BICRAL: variants seen among roughly 807,000 people sequenced by gnomAD.
BICRAL encodes the protein BICRA like chromatin remodeling complex associated protein, also known as BRD4-interacting chromatin-remodeling complex-associated protein-like.
BICRAL carries 8 observed loss-of-function variants against 91.8 expected under a neutral mutation model. The observed-to-expected ratio is 0.09, with a 90% CI of 0.05 to 0.16. BICRAL has a LOEUF of 0.16. BICRAL is among the 10% of genes least tolerant of loss of function. The pLI is 1.00. For synonymous variants in BICRAL, 445 were observed against 491.1 expected, an observed-to-expected ratio of 0.91 and a Z score of 1.24; for missense variants, 1,038 against 1,310.9, an observed-to-expected ratio of 0.79 and a Z score of 3.21.
At chr6:42,845,216 T>G (rs1764966438) in intron 6 of BICRAL, among the ~76,000 whole-genome samples, 12 of 61,570 alleles carry the variant, frequency 1.9e-4, no homozygotes, top group Non-Finnish European at 2.8e-4. Flanking sequence ...TTTTTTTTTT[T>G]TTTTTTTTTT....
intron 1 of BICRAL, among the ~76,000 whole-genome samples, chr6:42,805,708 G>A (rs1199477045): frequency 6.6e-6 from 1 of 151,984 alleles, no homozygotes; most frequent in Non-Finnish European, 1.5e-5. Context: ...GTGCTAAAGA[G>A]GACAAGGAAC....
intron 1 of BICRAL, among the ~76,000 whole-genome samples, chr6:42,807,320 AC>A (rs1318317986): frequency 6.6e-6 from 1 of 151,566 alleles, no homozygotes; most frequent in Non-Finnish European, 1.5e-5. Context: ...AGTAGCTGCG[AC>A]TACAGGCGCC....
At chr6:42,763,059 C>A (rs1762578415) in intron 1 of BICRAL, among the ~76,000 whole-genome samples, 1 of 152,138 alleles carries the variant, frequency 6.6e-6, no homozygotes, top group African/African-American at 2.4e-5. Context: ...CCTTATTGTC[C>A]AGTAGAACAG....
Position 42,822,042 on chromosome 6 carries a change from C to T in BICRAL, c.20C>T (p.Ser7Leu), listed in dbSNP as rs758142663. 7 of 1,608,006 alleles carry T rather than the reference C, an allele frequency of 4.4e-6. No homozygotes were observed. Among genetic ancestry groups the T allele is most frequent in the Admixed American group, 1.7e-5 (1 of 59,878 alleles). ...GTTGTCATGGATGATGATGATGACT[C>T]GTGTCTCCTTGATCTTATTGGGTAA... MDDDDD[S>L]CLLDLIGDPQ... is the part of the protein sequence containing the mutation. Residue 7 changes from serine (S) to leucine (L), a missense_variant, in exon 3 of 13, where the codon TCG becomes TTG. Around this residue, in one of 5 missense-constraint regions of BICRAL, gnomAD observed 115 missense variants for 121.5 expected, o/e 0.95. Coordinates refer to ENST00000314073, the MANE Select transcript of BICRAL (RefSeq NM_001393499.1).
At position 42,820,922 on chromosome 6, in the gene BICRAL, C is replaced by T. The variant is rs1460353661; in HGVS notation, c.-5-1096C>T. 3.9e-5 allele frequency: 6 copies of T among 152,334 alleles called. No individual in the cohort carries two copies. The East Asian group carries it at 1.2e-3, about 29-fold the overall frequency. 9.4% of individuals were successfully genotyped at this position (152,334 alleles called of 1,614,324 possible). ...AGTTACCTTCCATGTAGCAGGAGTA[C>T]ATTTTATACTAGTTTGGCCTTGTGA... On this transcript the variant is annotated intron_variant, in intron 2 of 12. Coordinates refer to ENST00000314073, the MANE Select transcript of BICRAL (RefSeq NM_001393499.1).
intron 6 of BICRAL, among the ~76,000 whole-genome samples, chr6:42,843,862 G>A (rs1378787253): frequency 4.8e-5 from 7 of 145,512 alleles, no homozygotes; most frequent in African/African-American, 1.3e-4. Flanking sequence ...GCAATAGCAC[G>A]ATCTCGGCTC....
Position 42,793,122 on chromosome 6 carries a change from A to ATTTTTTTTTTTTTTTTTTTT in BICRAL, c.-102+11041_-102+11060dup, listed in dbSNP as rs1159342197. On this transcript the variant is annotated intron_variant, in intron 1 of 12. Coordinates refer to ENST00000314073, the MANE Select transcript of BICRAL (RefSeq NM_001393499.1). The stretch of plus-strand genomic sequence containing the variant: ...AAGCGCATGCCACCATGCCCAGCTA[A>ATTTTTTTTTTTTTTTTTTTT]TTTTTTTTTTTTTTTTTTTTTTTTT... Among the ~76,000 whole-genome samples the ATTTTTTTTTTTTTTTTTTTT allele has an allele frequency of 8.1e-5, 3 of 37,254 alleles. 1 individual carries two copies. The highest frequency in any genetic ancestry group is 4.9e-5 in the Non-Finnish European group (1 of 20,498). 24.4% of individuals were successfully genotyped at this position (37,254 alleles called of 152,430 possible).
chr6:42,782,079 C>G lies in BICRAL; in HGVS notation c.-124C>G, dbSNP rs1268958946. The G allele has an allele frequency of 6.7e-6, 1 of 149,428 alleles. No homozygotes were observed. Among genetic ancestry groups the G allele is most frequent in the East Asian group, 1.9e-4 (1 of 5,164 alleles). 9.3% of individuals were successfully genotyped at this position (149,428 alleles called of 1,614,324 possible). On this transcript the variant is annotated 5_prime_UTR_variant, in exon 1 of 13. Transcript: ENST00000314073. ...TGCGATGGCGCAGAAACCCCGTTGA[C>G]AAGGCACTGCTTTTTCATGACGGTG...
chr6:42,802,428 T>TTGTTG (rs1554277648), intron 1 of BICRAL, among the ~76,000 whole-genome samples: 23 of 104,042 alleles, frequency 2.2e-4, no homozygotes, highest in African/African-American at 6.1e-4. Context: ...CGTGTTTTTT[T>TTGTTG]TTGTTGTTGT....
In BICRAL at chr6:42,864,656, C is replaced by T. The variant is rs1320107334; in HGVS notation, c.2453-3C>T. 1.9e-6 allele frequency: 3 copies of T among 1,611,052 alleles called. No homozygotes were observed. Among genetic ancestry groups the T allele is most frequent in the East Asian group, 2.2e-5 (1 of 44,840 alleles). On this transcript the variant is annotated splice_polypyrimidine_tract_variant and splice_region_variant and intron_variant, in intron 12 of 12. Transcript: ENST00000314073. ...CTAATGTTCTTTTTGTTCCCATTTC[C>T]AGAGGGTTTTCAGGCTGATTTCTGT...
chr6:42,839,875 C>T (rs1764735692), intron 6 of BICRAL, among the ~76,000 whole-genome samples: 1 of 152,144 alleles, frequency 6.6e-6, no homozygotes, highest in Admixed American at 6.6e-5. Context: ...TGTAGGACTG[C>T]CTTAGATTAC....
intron 1 of BICRAL, among the ~76,000 whole-genome samples, chr6:42,756,653 C>T (rs1287143533): frequency 4.6e-5 from 7 of 151,030 alleles, no homozygotes; most frequent in Admixed American, 2.0e-4. Context: ...TTTTTCTATA[C>T]GTAAGTCTGA....
intron 2 of BICRAL, among the ~76,000 whole-genome samples, chr6:42,817,477 C>CT (rs1278866567): frequency 0.011 from 1,524 of 140,906 alleles, 10 homozygotes; most frequent in African/African-American, 0.031. Flanking sequence ...TACAAGAACT[C>CT]TTTTTTTTTT....
intron 1 of BICRAL, among the ~76,000 whole-genome samples, chr6:42,801,266 A>AAAG (rs1554277537): frequency 4.6e-5 from 7 of 151,558 alleles, no homozygotes; most frequent in African/African-American, 1.7e-4. Context: ...AAAAAAAAAA[A>AAAG]AGAGAGCGAG....
intron 1 of BICRAL, among the ~76,000 whole-genome samples, chr6:42,749,917 C>T (rs1049438122): frequency 3.3e-5 from 5 of 151,142 alleles, no homozygotes; most frequent in South Asian, 2.1e-4. Context: ...TGCAGTGGCA[C>T]GATCTCAGCT....
At chr6:42,825,305 C>G (rs967734838) in intron 5 of BICRAL, among the ~76,000 whole-genome samples, 9 of 148,564 alleles carry the variant, frequency 6.1e-5, no homozygotes, top group Non-Finnish European at 1.2e-4. Context: ...TGGCTCACGC[C>G]TGTAATCCCA....
rs1458949323 is a variant in BICRAL at position 42,866,956 on chromosome 6, GATCCAGAGGTC to G, written c.*1513_*1523del. 10 of 438,692 alleles carry G rather than the reference GATCCAGAGGTC, an allele frequency of 2.3e-5. No individual in the cohort carries two copies. The highest frequency in any genetic ancestry group is 4.6e-5 in the Non-Finnish European group (10 of 217,198). 27.2% of individuals were successfully genotyped at this position (438,692 alleles called of 1,614,324 possible). A position where few individuals can be genotyped will look rare whatever the true frequency, so the allele number is the denominator to read the frequency against. Reference sequence around the variant, plus strand: ...CACGTGCATGTATCTGAGCTGCTCGGATCCAGAGGTCATTTTTGTTACAGTGTGTGCACACT... The same window carrying G: ...CACGTGCATGTATCTGAGCTGCTCGGATTTTTGTTACAGTGTGTGCACACT... On this transcript the variant is annotated 3_prime_UTR_variant, in exon 13 of 13. Coordinates refer to ENST00000314073, the MANE Select transcript of BICRAL (RefSeq NM_001393499.1).
chr6:42,781,594 TGG>T (rs1466783969), upstream of BICRAL, among the ~76,000 whole-genome samples: 24 of 70,174 alleles, frequency 3.4e-4, no homozygotes, highest in East Asian at 1.3e-3. Flanking sequence ...GGTGGGTGGG[TGG>T]GTGTGTGTGT....
intron 1 of BICRAL, among the ~76,000 whole-genome samples, chr6:42,770,331 C>G (rs551849296): frequency 6.6e-6 from 1 of 152,064 alleles, no homozygotes; most frequent in African/African-American, 2.4e-5. Flanking sequence ...CGGGTTCAAG[C>G]GATCCTCATG....
Sources: gnomAD v4.1 joint callset for allele counts (sites outside exome capture counted in the v4.1 genomes callset) on GRCh38, gnomAD v4.1.1 for gene constraint, gnomAD v4.1.1 regional missense constraint, MANE v1.5 for transcripts, NCBI Gene and HGNC (gene_info 2026-07-23, HGNC 2026-07-21) for gene names.